Variants in SMPX observed in about 807,000 individuals in gnomAD.
SMPX encodes the protein small muscle protein X-linked, also known as small muscular protein.
Under a neutral mutation model 6.3 loss-of-function variants are expected in SMPX, and 2 were observed. That is an observed-to-expected ratio of 0.32 (90% CI 0.13 to 0.99). SMPX has a LOEUF of 0.99. SMPX is among the 50% of genes least tolerant of loss of function. SMPX has a pLI of 0.49. For synonymous variants in SMPX, 32 were observed against 24.7 expected, an observed-to-expected ratio of 1.30 and a Z score of -0.88; for missense variants, 60 against 66.8, an observed-to-expected ratio of 0.90 and a Z score of 0.36.
chrX:21,754,201 T>A (rs1444772557), intron 2 of SMPX, 45 bp downstream of exon 2: 2 of 1,116,339 alleles, frequency 1.8e-6, no homozygotes, highest in Non-Finnish European at 2.5e-6. Context: ...TCGCCAGAAA[T>A]ATGACTTATT....
At chrX:21,744,707 A>T (rs1169679331) in intron 2 of SMPX, among the ~76,000 whole-genome samples, 5 of 112,839 alleles carry the variant, frequency 4.4e-5, no homozygotes, top group Non-Finnish European at 9.4e-5. Flanking sequence ...ATTTTAAAGT[A>T]GAATACAATA....
At chrX:21,734,486 T>C (rs1244700509) in intron 4 of SMPX, among the ~76,000 whole-genome samples, 2 of 111,986 alleles carry the variant, frequency 1.8e-5, no homozygotes, top group African/African-American at 6.5e-5. Context: ...ATTTTGCCAC[T>C]GGTCCTGCCT....
At chrX:21,712,429 T>C (rs1440692063) in intron 4 of SMPX, among the ~76,000 whole-genome samples, 1 of 112,113 alleles carries the variant, frequency 8.9e-6, no homozygotes, top group Non-Finnish European at 1.9e-5. Flanking sequence ...GCAAATTGCA[T>C]ATCCAGGTTG....
At chrX:21,752,928 A>G in intron 2 of SMPX, among the ~76,000 whole-genome samples, 1 of 111,714 alleles carries the variant, frequency 9.0e-6, no homozygotes, top group Non-Finnish European at 1.9e-5. Context: ...AAGTAGGGAG[A>G]GTAATTTTCC....
chrX:21,717,828 G>C (rs1451711466), intron 4 of SMPX, among the ~76,000 whole-genome samples: 1 of 112,234 alleles, frequency 8.9e-6, no homozygotes, highest in African/African-American at 3.2e-5. Context: ...TTGAATGATG[G>C]GTAGGAGTTA....
intron 1 of SMPX, among the ~76,000 whole-genome samples, chrX:21,755,838 C>T (rs1467069673): frequency 3.6e-5 from 4 of 111,867 alleles, no homozygotes; most frequent in African/African-American, 1.3e-4. Flanking sequence ...TAGATTTAGC[C>T]TCCATGCATA....
chrX:21,746,681 T>C (rs1449391892), intron 2 of SMPX, among the ~76,000 whole-genome samples: 2 of 102,236 alleles, frequency 2.0e-5, no homozygotes, highest in African/African-American at 7.2e-5. Context: ...ACAGCAGATA[T>C]TGACAGGAAC....
intron 4 of SMPX, among the ~76,000 whole-genome samples, chrX:21,735,108 C>A (rs377633019): frequency 1.8e-5 from 2 of 111,371 alleles, no homozygotes; most frequent in African/African-American, 6.5e-5. Flanking sequence ...TCAATCCAAC[C>A]AGTGAAGGGT....
chrX:21,757,842 G>A (rs2092834509), intron 1 of SMPX, 100 bp downstream of exon 1: 1 of 292,576 alleles, frequency 3.4e-6, no homozygotes, highest in African/African-American at 2.7e-5. Flanking sequence ...TACACCCACT[G>A]GTTACAAGCC....
At chrX:21,746,690 A>G (rs1174700434) in intron 2 of SMPX, among the ~76,000 whole-genome samples, 1 of 105,829 alleles carries the variant, frequency 9.4e-6, no homozygotes, top group Non-Finnish European at 1.9e-5. Context: ...ATTGACAGGA[A>G]CCAAAGCAGC....
chrX:21,713,532 A>T (rs1041389609), intron 4 of SMPX, among the ~76,000 whole-genome samples: 8 of 111,987 alleles, frequency 7.1e-5, no homozygotes, highest in African/African-American at 2.3e-4. Context: ...GAGCAAAGTC[A>T]TGTCTTACAT....
intron 2 of SMPX, 99 bp downstream of exon 2, chrX:21,754,147 C>G: frequency 2.6e-6 from 2 of 755,639 alleles, no homozygotes; most frequent in Admixed American, 4.4e-5. Flanking sequence ...TTATGAAGAA[C>G]TTAATTTTCT....
chrX:21,739,936 G>A (rs960036997), intron 3 of SMPX, among the ~76,000 whole-genome samples: 2 of 112,084 alleles, frequency 1.8e-5, no homozygotes, highest in African/African-American at 6.5e-5. Flanking sequence ...AAAAATTTTT[G>A]CAGTGAGCAT....
intron 4 of SMPX, among the ~76,000 whole-genome samples, chrX:21,714,489 A>G (rs1284309371): frequency 8.9e-6 from 1 of 111,874 alleles, no homozygotes; most frequent in East Asian, 2.8e-4. Context: ...AATGAACACA[A>G]CCTTTTCCAT....
chrX:21,722,640 T>C (rs933530642), intron 4 of SMPX, among the ~76,000 whole-genome samples: 3 of 111,903 alleles, frequency 2.7e-5, no homozygotes, highest in Non-Finnish European at 5.6e-5. Flanking sequence ...TAAGTTGATG[T>C]AGAATTCCTC....
intron 4 of SMPX, among the ~76,000 whole-genome samples, chrX:21,725,517 T>A (rs991895371): frequency 1.8e-5 from 2 of 112,565 alleles, no homozygotes; most frequent in African/African-American, 6.4e-5. Context: ...GAGATGCATT[T>A]GCTAGTTAAA....
chrX:21,741,325 C>T (rs2092815830), intron 3 of SMPX, among the ~76,000 whole-genome samples: 1 of 112,233 alleles, frequency 8.9e-6, no homozygotes, highest in African/African-American at 3.2e-5. Flanking sequence ...TATCCTCATG[C>T]AAGGCTAGGC....
chrX:21,736,115 G>T (rs899599953), intron 4 of SMPX, among the ~76,000 whole-genome samples: 2 of 112,115 alleles, frequency 1.8e-5, no homozygotes, highest in Non-Finnish European at 3.8e-5. Flanking sequence ...AACTCAAAAC[G>T]GCTCCTCTCT....
At position 21,721,581 on chromosome X, in the gene SMPX, C is replaced by T. The variant is rs895624242; in HGVS notation, c.*15-15187G>A. On this transcript the variant is annotated intron_variant, in intron 4 of 4. Coordinates refer to ENST00000379494, the MANE Select transcript of SMPX (RefSeq NM_014332.3). The stretch of plus-strand genomic sequence containing the variant: ...CTCAGACCAAGACACACATCAGGAT[C>T]ACCTGAAGATTCTGTGAAACATACC... Among the ~76,000 whole-genome samples the T allele has an allele frequency of 1.2e-4, 14 of 112,470 alleles. 1 individual carries two copies. The highest frequency in any genetic ancestry group is 4.5e-4 in the African/African-American group (14 of 30,990).
Sources: allele counts gnomAD v4.1 joint callset (sites outside exome capture counted in the v4.1 genomes callset), GRCh38; gene constraint gnomAD v4.1.1; transcripts MANE v1.5; gene names NCBI Gene and HGNC (gene_info 2026-07-23, HGNC 2026-07-21).